RPS3: variants seen among roughly 807,000 people sequenced by gnomAD.
RPS3 encodes ribosomal protein S3.
In RPS3, 2 loss-of-function variants were observed where a neutral mutation model predicts 25.8. The ratio of observed to expected loss-of-function variants is 0.08; its 90% confidence interval spans 0.03 to 0.24. The LOEUF (loss-of-function observed/expected upper bound fraction) is 0.24, where lower values mean the gene tolerates loss of function less well. Among genes scored for constraint, RPS3 ranks in the 10% least tolerant of loss-of-function variants. The pLI is 1.00. For missense variants in RPS3, 107 were observed against 307.1 expected, an observed-to-expected ratio of 0.35 and a Z score of 4.87; for synonymous variants, 114 against 114.2, an observed-to-expected ratio of 1.00 and a Z score of 0.01.
downstream of RPS3, among the ~76,000 whole-genome samples, chr11:75,410,758 C>T (rs1323333613): frequency 6.6e-6 from 1 of 152,196 alleles, no homozygotes; most frequent in Non-Finnish European, 1.5e-5. Flanking sequence ...CCGAGGCTGG[C>T]GGATCACTCG....
downstream of RPS3, among the ~76,000 whole-genome samples, chr11:75,410,073 C>A (rs573724322): frequency 6.0e-3 from 796 of 133,642 alleles, 20 homozygotes; most frequent in African/African-American, 0.023. Context: ...GGGGGCTGAC[C>A]CCCCCCTCCC....
intron 4 of RPS3, 21 bp from the exon 5 acceptor site, chr11:75,403,999 C>T: frequency 6.2e-7 from 1 of 1,604,904 alleles, no homozygotes; most frequent in Non-Finnish European, 8.5e-7. Flanking sequence ...AACACAGTGG[C>T]TCTCTTCTGT....
rs951212439 is a variant in RPS3 at position 75,404,982 on chromosome 11, A to C, written c.*3+114A>C. 88 of 722,138 alleles carry C rather than the reference A, an allele frequency of 1.2e-4. No homozygotes were observed. Among genetic ancestry groups the C allele is most frequent in the Middle Eastern group, 1.0e-3 (4 of 3,916 alleles). 44.7% of individuals were successfully genotyped at this position (722,138 alleles called of 1,614,324 possible). On this transcript the variant is annotated intron_variant, in intron 6 of 6. Transcript: ENST00000531188. The surrounding 1 kb of genome is among the most constrained non-coding windows in gnomAD (Gnocchi z 4.6). ...CGTTTGGTGAATAAAAATTTCATTTATTTGCTTTATGTGGGAGAATACAAG... is the reference window on the plus strand; with the variant it reads ...CGTTTGGTGAATAAAAATTTCATTTCTTTGCTTTATGTGGGAGAATACAAG...
downstream of RPS3, among the ~76,000 whole-genome samples, chr11:75,410,858 C>A: frequency 6.6e-6 from 1 of 152,292 alleles, no homozygotes; most frequent in South Asian, 2.1e-4. Flanking sequence ...TGGCGGCGCG[C>A]GCCTGCAATC....
rs1472069721 is a variant in RPS3, at chr11:75,401,865, A to G, written c.255+132A>G. 31 of 639,332 alleles carry G rather than the reference A, an allele frequency of 4.8e-5. No individual in the cohort carries two copies. In the South Asian group the frequency reaches 5.0e-4, roughly 10 times the overall value. 39.6% of individuals were successfully genotyped at this position (639,332 alleles called of 1,614,324 possible). ...ATAACTGTTGAAATTCTCTTAATGA[A>G]TAATGGGCTTAACTTTGTAAGCCTA... On this transcript the variant is annotated intron_variant, in intron 3 of 6. Transcript: ENST00000531188.
In RPS3 at chr11:75,404,455, C is replaced by T; in HGVS notation, c.539-217C>T. On this transcript the variant is annotated intron_variant, in intron 5 of 6. Coordinates refer to ENST00000531188, the MANE Select transcript of RPS3 (RefSeq NM_001005.5). The surrounding 1 kb of genome is among the most constrained non-coding windows in gnomAD (Gnocchi z 4.6). ...TGACACGATGACGAGTCAGAAAGGT[C>T]ACGTCCTGCTCTTGGTCCTTGTCAG... The T allele has an allele frequency of 1.3e-6, 1 of 791,292 alleles. No homozygotes were observed. The highest frequency in any genetic ancestry group is 1.7e-5 in the Admixed American group (1 of 58,966). The allele number at this position is 791,292 out of a possible 1,614,324, so 49.0% of individuals were successfully genotyped here. A position where few individuals can be genotyped will look rare whatever the true frequency, so the allele number is the denominator to read the frequency against.
intron 4 of RPS3, chr11:75,403,659 A>T (rs1338316790): frequency 1.8e-5 from 3 of 168,958 alleles, no homozygotes; most frequent in African/African-American, 7.1e-5. Context: ...AGTTTTGGTT[A>T]TACATGAGAA....
At position 75,405,803 on chromosome 11, in the gene RPS3, TAA is replaced by T. The variant is rs1053270016; in HGVS notation, c.*194_*195del. 6.2e-6 allele frequency: 2 copies of T among 322,240 alleles called. No individual in the cohort carries two copies. The highest frequency in any genetic ancestry group is 4.4e-5 in the African/African-American group (2 of 45,770). 20.0% of individuals were successfully genotyped at this position (322,240 alleles called of 1,614,324 possible). Reference sequence around the variant, plus strand: ...GTGGTATTTGCAAGGGCCAGAACAGTAAGACCCAAGCAGAGCCAACCAGAGAA... The same window carrying T: ...GTGGTATTTGCAAGGGCCAGAACAGTGACCCAAGCAGAGCCAACCAGAGAA... On this transcript the variant is annotated 3_prime_UTR_variant, in exon 7 of 7. Transcript: ENST00000531188.
At chr11:75,412,368 T>C (rs960684982) in intron 6 of RPS3, among the ~76,000 whole-genome samples, 5 of 152,212 alleles carry the variant, frequency 3.3e-5, no homozygotes, top group Admixed American at 2.0e-4. Flanking sequence ...TGGCTGGACC[T>C]CTCTGCAGCT....
intron 1 of RPS3, chr11:75,400,391 C>T (rs1269413499): frequency 1.9e-6 from 1 of 537,536 alleles, no homozygotes; most frequent in Non-Finnish European, 3.7e-6. Context: ...GTTTTAAACC[C>T]TTCGATGAAG....
rs4348932 is a variant in RPS3, at chr11:75,405,915, G to A, written c.*305G>A. ...CCTGTAGTTCAGGATTGTAGGTTTA[G>A]AAGAGGGATATGTTTGAGTTTTTCC... is the stretch of plus-strand genomic sequence containing the variant. On this transcript the variant is annotated 3_prime_UTR_variant, in exon 7 of 7. Coordinates refer to ENST00000531188, the MANE Select transcript of RPS3 (RefSeq NM_001005.5). The A allele has an allele frequency of 0.23, 50,348 of 219,194 alleles. 8,241 individuals carry two copies. The highest frequency in any genetic ancestry group is 0.51 in the African/African-American group (22,221 of 43,302). 13.6% of individuals were successfully genotyped at this position (219,194 alleles called of 1,614,324 possible). A position where few individuals can be genotyped will look rare whatever the true frequency, so the allele number is the denominator to read the frequency against.
chr11:75,401,542 T>C (rs111868730), intron 2 of RPS3, 98 bp from the exon 3 acceptor site: 6 of 850,916 alleles, frequency 7.1e-6, no homozygotes, highest in African/African-American at 3.4e-5. Flanking sequence ...GAAAATTATA[T>C]GCTTTGTGGC....
chr11:75,410,466 G>A (rs1295863482), downstream of RPS3, among the ~76,000 whole-genome samples: 6 of 151,618 alleles, frequency 4.0e-5, no homozygotes, highest in African/African-American at 1.5e-4. Context: ...CTTCCTAGAT[G>A]GGATGGCGGC....
chr11:75,408,367 T>C (rs760736133), downstream of RPS3, among the ~76,000 whole-genome samples: 1 of 152,020 alleles, frequency 6.6e-6, no homozygotes. Context: ...TTGCCAGATA[T>C]GGAGGCTGAG....
downstream of RPS3, among the ~76,000 whole-genome samples, chr11:75,409,274 G>A (rs1396627504): frequency 6.9e-6 from 1 of 144,342 alleles, no homozygotes; most frequent in African/African-American, 2.5e-5. Context: ...TGGAGGGAAG[G>A]TCAGCAGATA....
At position 75,413,248 on chromosome 11, in the gene RPS3, TA is replaced by T. The variant is rs1320164139; in HGVS notation, c.*3+8381del. Among the ~76,000 whole-genome samples the T allele has an allele frequency of 5.5e-3, 527 of 95,934 alleles. 4 individuals carry two copies. The highest frequency in any genetic ancestry group is 0.026 in the African/African-American group (477 of 18,220). 62.9% of individuals were successfully genotyped at this position (95,934 alleles called of 152,430 possible). On this transcript the variant is annotated intron_variant, in intron 6 of 6. Coordinates refer to the RPS3 transcript ENST00000527446. The stretch of plus-strand genomic sequence containing the variant: ...ATGTGTGTGTGTGTATATATATATA[TA>T]TTTTTTTTTTTGAGACAGTCTCACT...
downstream of RPS3, among the ~76,000 whole-genome samples, chr11:75,407,118 T>G (rs1281484446): frequency 6.6e-6 from 1 of 152,226 alleles, no homozygotes; most frequent in African/African-American, 2.4e-5. Flanking sequence ...TGAAAGAGCC[T>G]TTGATGATTA....
At position 75,404,528 on chromosome 11, in the gene RPS3, C is replaced by T. The variant is rs1565164534; in HGVS notation, c.539-144C>T. Reference sequence around the variant, plus strand: ...CACGAGTTCCTTTGGCAGAAGTGTCCTATTTATTGATCGATTTAGAGGCAT... The same window carrying T: ...CACGAGTTCCTTTGGCAGAAGTGTCTTATTTATTGATCGATTTAGAGGCAT... On this transcript the variant is annotated intron_variant, in intron 5 of 6. Coordinates refer to ENST00000531188, the MANE Select transcript of RPS3 (RefSeq NM_001005.5). The surrounding 1 kb of genome is among the most constrained non-coding windows in gnomAD (Gnocchi z 4.6). 4.7e-6 allele frequency: 4 copies of T among 859,148 alleles called. No individual in the cohort carries two copies. The highest frequency in any genetic ancestry group is 6.1e-6 in the Non-Finnish European group (3 of 491,194). 53.2% of individuals were successfully genotyped at this position (859,148 alleles called of 1,614,324 possible). A position where few individuals can be genotyped will look rare whatever the true frequency, so the allele number is the denominator to read the frequency against.
chr11:75,416,319 G>GTGCA (rs572963380), intron 6 of RPS3, among the ~76,000 whole-genome samples: 26 of 152,246 alleles, frequency 1.7e-4, no homozygotes, highest in African/African-American at 5.8e-4. Flanking sequence ...CCAACTGTAC[G>GTGCA]TGCACTGACT....
Sources: allele counts gnomAD v4.1 joint callset (sites outside exome capture counted in the v4.1 genomes callset), GRCh38; gene constraint gnomAD v4.1.1; non-coding constraint Gnocchi (gnomAD v3.1); transcripts MANE v1.5; gene names NCBI Gene and HGNC (gene_info 2026-07-23, HGNC 2026-07-21).